Variants in PAXIP1 observed in about 807,000 individuals in gnomAD.
PAXIP1 encodes the protein PAX-interacting protein 1.
Under a neutral mutation model 140.6 loss-of-function variants are expected in PAXIP1, and 19 were observed. That is an observed-to-expected ratio of 0.14 (90% CI 0.09 to 0.20). The LOEUF is 0.20. Ranked by LOEUF, PAXIP1 falls within the 10% of genes least tolerant of loss-of-function variation. PAXIP1 has a pLI of 1.00. For missense variants in PAXIP1, 920 were observed against 1,208.6 expected (o/e 0.76, Z 3.54); for synonymous variants, 442 against 444.6 (o/e 0.99, Z 0.07).
In PAXIP1 at chr7:154,946,240, A is replaced by C; in HGVS notation, c.3194+125T>G. On this transcript the variant is annotated intron_variant, in intron 20 of 20. Transcript: ENST00000404141. This position sits in a 1 kb window ranked among gnomAD's most constrained non-coding sequence, Gnocchi z 4.9. ...TGAAGAGAAAAGAATTGTTCACTGC[A>C]TAAATCACAATAGCAAAGAAAGGAA... is the stretch of plus-strand genomic sequence containing the variant. The C allele has an allele frequency of 6.5e-7, 1 of 1,530,760 alleles. No homozygotes were observed. The highest frequency in any genetic ancestry group is 8.8e-7 in the Non-Finnish European group (1 of 1,141,236). 94.8% of individuals were successfully genotyped at this position (1,530,760 alleles called of 1,614,324 possible).
chr7:154,988,157 C>T (rs533244050), intron 4 of PAXIP1, among the ~76,000 whole-genome samples: 26 of 152,314 alleles, frequency 1.7e-4, no homozygotes, highest in Admixed American at 2.0e-4. Context: ...TGCAAATGCA[C>T]ACCCTTGGTT....
At chr7:154,992,623 A>C (rs773429988) in intron 3 of PAXIP1, among the ~76,000 whole-genome samples, 12 of 152,034 alleles carry the variant, frequency 7.9e-5, no homozygotes, top group Non-Finnish European at 1.3e-4. Flanking sequence ...TCAGCTTCTT[A>C]AGGAGTCTTG....
In PAXIP1 at chr7:154,943,935, A is replaced by T; in HGVS notation, c.*214T>A. ...CTAATGTGGGCTCTTAAAGTCATAT[A>T]ATACAAAACATAATTTATGTTTCCT... On this transcript the variant is annotated 3_prime_UTR_variant, in exon 21 of 21. Transcript: ENST00000404141. 1.7e-6 allele frequency: 1 copy of T among 577,062 alleles called. No homozygotes were observed. Among genetic ancestry groups the T allele is most frequent in the Non-Finnish European group, 3.2e-6 (1 of 309,178 alleles). The allele number at this position is 577,062 out of a possible 1,614,324, so 35.7% of individuals were successfully genotyped here.
Position 154,946,272 on chromosome 7 carries a change from C to T in PAXIP1, c.3194+93G>A. 6.3e-7 allele frequency: 1 copy of T among 1,581,992 alleles called. No homozygotes were observed. Among genetic ancestry groups the T allele is most frequent in the Non-Finnish European group, 8.6e-7 (1 of 1,163,244 alleles). ...ACAATAGCAAAGAAAGGAAAAATGG[C>T]TTGCAAAACAGGAAAGGTACTGCCT... On this transcript the variant is annotated intron_variant, in intron 20 of 20. Transcript: ENST00000404141. The surrounding 1 kb of genome is among the most constrained non-coding windows in gnomAD (Gnocchi z 4.9).
intron 5 of PAXIP1, among the ~76,000 whole-genome samples, chr7:154,979,961 T>C (rs1809767794): frequency 6.6e-6 from 1 of 152,184 alleles, no homozygotes; most frequent in Non-Finnish European, 1.5e-5. Context: ...ACTAACGCAG[T>C]GACACTAAAG....
At chr7:154,977,951 G>C (rs1472616982) in intron 5 of PAXIP1, among the ~76,000 whole-genome samples, 3 of 149,666 alleles carry the variant, frequency 2.0e-5, no homozygotes, top group Admixed American at 6.6e-5. Flanking sequence ...TTCGAACGCA[G>C]ACCAAACTTT....
rs2150736528 is a variant in PAXIP1, at chr7:154,946,991, A to G, written c.2923-178T>C. ...AAGTGGAAGAGGAATCCAGCTATGT[A>G]AATTTGGAATGTAAGCATTTTCACA... is the stretch of plus-strand genomic sequence containing the variant. On this transcript the variant is annotated intron_variant, in intron 17 of 20. Coordinates refer to ENST00000404141, the MANE Select transcript of PAXIP1 (RefSeq NM_007349.4). The surrounding 1 kb of genome is among the most constrained non-coding windows in gnomAD (Gnocchi z 4.9). 3 of 512,738 alleles carry G rather than the reference A, an allele frequency of 5.9e-6. No homozygotes were observed. Among genetic ancestry groups the G allele is most frequent in the African/African-American group, 1.9e-5 (1 of 52,136 alleles). 31.8% of individuals were successfully genotyped at this position (512,738 alleles called of 1,614,324 possible).
chr7:154,998,660 G>A lies in PAXIP1; in HGVS notation c.206C>T (p.Pro69Leu). The change falls in exon 2 of 21, where the codon CCT becomes CTT. Residue 69 changes from proline (P) to leucine (L), a missense_variant. Physicochemically the swap from Pro to Leu is moderately conservative, Grantham distance 98. Coordinates refer to ENST00000404141, the MANE Select transcript of PAXIP1 (RefSeq NM_007349.4). Reference sequence around the variant, plus strand: ...ATGTTTACTACTGACCTTTACAACAGGTAAGTCAAAGACTTCCCGAGCTTC... The same window carrying A: ...ATGTTTACTACTGACCTTTACAACAAGTAAGTCAAAGACTTCCCGAGCTTC... ...VGEAREVFDL[P>L]VVKPSWVILS... The A allele has an allele frequency of 9.3e-6, 15 of 1,613,274 alleles. No homozygotes were observed. The highest frequency in any genetic ancestry group is 1.3e-5 in the Non-Finnish European group (15 of 1,179,394).
Position 154,946,637 on chromosome 7 carries a change from C to G in PAXIP1, c.3057+42G>C, listed in dbSNP as rs1348729183. The G allele has an allele frequency of 6.2e-7, 1 of 1,613,504 alleles. No individual in the cohort carries two copies. Among genetic ancestry groups the G allele is most frequent in the Middle Eastern group, 1.7e-4 (1 of 6,060 alleles). ...CAGTGACCGAACGCTGAATGTGATA[C>G]AGGGCAATGACGGACTCGCTGGCGG... On this transcript the variant is annotated intron_variant, in intron 18 of 20. Coordinates refer to ENST00000404141, the MANE Select transcript of PAXIP1 (RefSeq NM_007349.4). This position sits in a 1 kb window ranked among gnomAD's most constrained non-coding sequence, Gnocchi z 4.9.
rs1211016068 is a variant in PAXIP1 at position 154,963,104 on chromosome 7, C to T, written c.1989+567G>A. 6.6e-6 allele frequency among the ~76,000 whole-genome samples: 1 copy of T among 152,194 alleles called. No individual in the cohort carries two copies. The highest frequency in any genetic ancestry group is 6.5e-5 in the Admixed American group (1 of 15,286). On this transcript the variant is annotated intron_variant, in intron 9 of 20. Transcript: ENST00000404141. This position sits in a 1 kb window ranked among gnomAD's most constrained non-coding sequence, Gnocchi z 4.1. The stretch of plus-strand genomic sequence containing the variant: ...CTTGTGTGCAAGTCACACACCAGTA[C>T]AGAATCCTGCGTCCCTTCACCGTGC...
chr7:155,000,371 CT>C (rs1312078085), intron 1 of PAXIP1: 1 of 152,166 alleles, frequency 6.6e-6, no homozygotes, highest in African/African-American at 2.4e-5. Context: ...AAAGGCACCC[CT>C]CCTTTTCCTA....
chr7:155,002,770 G>A, intron 1 of PAXIP1, 79 bp downstream of exon 1: 1 of 788,578 alleles, frequency 1.3e-6, no homozygotes, highest in Non-Finnish European at 1.7e-6. Context: ...CCCGCGGCAG[G>A]AGCGGGGACG....
At chr7:154,959,190 T>C (rs1360415037) in intron 13 of PAXIP1, among the ~76,000 whole-genome samples, 1 of 152,194 alleles carries the variant, frequency 6.6e-6, no homozygotes, top group Non-Finnish European at 1.5e-5. Context: ...AAATTACCTC[T>C]GTATACAATA....
chr7:155,001,361 CA>C, intron 1 of PAXIP1: 1 of 150,566 alleles, frequency 6.6e-6, no homozygotes. Flanking sequence ...TAGCAAAAAA[CA>C]AAAACAAAAA....
intron 7 of PAXIP1, 80 bp from the exon 8 acceptor site, chr7:154,967,990 C>A: frequency 1.2e-6 from 1 of 827,858 alleles, no homozygotes; most frequent in Non-Finnish European, 1.9e-6. Context: ...TGGCGCCTCA[C>A]AATGTCAATC....
intron 14 of PAXIP1, among the ~76,000 whole-genome samples, chr7:154,955,900 C>A (rs1264979757): frequency 1.3e-5 from 2 of 152,162 alleles, no homozygotes; most frequent in African/African-American, 4.8e-5. Flanking sequence ...CTTCATCAAT[C>A]CCCTCCTGAT....
intron 2 of PAXIP1, 92 bp downstream of exon 2, chr7:154,998,557 CA>C (rs1158915701): frequency 1.3e-6 from 1 of 762,788 alleles, no homozygotes; most frequent in African/African-American, 1.8e-5. Context: ...AGGACTTTAG[CA>C]AAAACCCTGA....
At chr7:154,999,245 C>T (rs75809448) in intron 1 of PAXIP1, among the ~76,000 whole-genome samples, 1,872 of 152,260 alleles carry the variant, frequency 0.012, 42 homozygotes, top group African/African-American at 0.042. Context: ...ATCCATACAT[C>T]GAGGAAGAGG....
chr7:154,978,178 T>G (rs780750849), intron 5 of PAXIP1, among the ~76,000 whole-genome samples: 3 of 152,230 alleles, frequency 2.0e-5, no homozygotes, highest in Non-Finnish European at 4.4e-5. Context: ...CCTATTCAGA[T>G]CTCCCCAGTA....
Sources: allele counts gnomAD v4.1 joint callset (sites outside exome capture counted in the v4.1 genomes callset), GRCh38; gene constraint gnomAD v4.1.1; non-coding constraint Gnocchi (gnomAD v3.1); transcripts MANE v1.5; gene names NCBI Gene and HGNC (gene_info 2026-07-23, HGNC 2026-07-21).